TWF1: variants seen among roughly 807,000 people sequenced by gnomAD.
TWF1 encodes twinfilin-1.
TWF1 carries 14 observed loss-of-function variants against 47.9 expected under a neutral mutation model. The observed-to-expected ratio is 0.29, with a 90% confidence interval of 0.19 to 0.46. The LOEUF (loss-of-function observed/expected upper bound fraction) is 0.46. TWF1 is among the 20% of genes least tolerant of loss of function. The pLI is 1.00. For synonymous variants in TWF1, 96 were observed against 139.2 expected (o/e 0.69, Z 2.18); for missense variants, 281 against 409.3 (o/e 0.69, Z 2.70).
chr12:43,800,357 A>G, intron 4 of TWF1, 78 bp downstream of exon 4: 1 of 967,144 alleles, frequency 1.0e-6, no homozygotes, highest in Non-Finnish European at 1.6e-6. Flanking sequence ...CTGAATTCGT[A>G]TCAATTACCC....
chr12:43,796,964 T>C lies in TWF1; in HGVS notation c.882+12A>G, dbSNP rs1432573441. 1.9e-6 allele frequency: 3 copies of C among 1,605,924 alleles called. No homozygotes were observed. Among genetic ancestry groups the C allele is most frequent in the African/African-American group, 2.7e-5 (2 of 74,368 alleles). ...TTAGCAAAAACTGAAGATTTTAAAA[T>C]AGGTGGGCTACCTTTCTAATTACAT... On this transcript the variant is annotated intron_variant, in intron 8 of 8. Transcript: ENST00000395510.
At chr12:43,798,549 A>G (rs2138134894) in intron 5 of TWF1, 2 of 1,521,848 alleles carry the variant, frequency 1.3e-6, no homozygotes, top group Non-Finnish European at 1.8e-6. Context: ...ATCATAGAAC[A>G]TATGCGAATG....
chr12:43,797,593 G>A, intron 6 of TWF1, 115 bp downstream of exon 6: 2 of 1,433,608 alleles, frequency 1.4e-6, no homozygotes, highest in Non-Finnish European at 1.9e-6. Flanking sequence ...TTTACAAAAT[G>A]AATTTTAGAA....
intron 5 of TWF1, among the ~76,000 whole-genome samples, chr12:43,798,924 A>G (rs923461905): frequency 5.3e-5 from 8 of 152,046 alleles, no homozygotes; most frequent in Non-Finnish European, 1.0e-4. Flanking sequence ...AAATTTATTG[A>G]CTCTAATATG....
intron 3 of TWF1, among the ~76,000 whole-genome samples, chr12:43,800,773 G>A (rs1228511063): frequency 6.6e-6 from 1 of 152,004 alleles, no homozygotes; most frequent in Non-Finnish European, 1.5e-5. Context: ...TTTTTGAGAC[G>A]CAGATTTGCT....
chr12:43,795,994 T>C (rs528147936), intron 8 of TWF1, among the ~76,000 whole-genome samples: 2 of 152,298 alleles, frequency 1.3e-5, no homozygotes, highest in African/African-American at 2.4e-5. Context: ...TTAAATAATG[T>C]TTAAAAGTAG....
chr12:43,803,132 T>C (rs375932519), intron 2 of TWF1, among the ~76,000 whole-genome samples: 4 of 152,172 alleles, frequency 2.6e-5, no homozygotes, highest in African/African-American at 7.2e-5. Flanking sequence ...ATGTGTGGCA[T>C]AGTCATATAA....
intron 7 of TWF1, 81 bp downstream of exon 7, chr12:43,797,221 G>A: frequency 6.7e-7 from 1 of 1,486,436 alleles, no homozygotes. Flanking sequence ...AGCCCTCTGG[G>A]CAAGAAATAA....
chr12:43,805,497 T>G (rs927476784), intron 1 of TWF1: 1 of 455,496 alleles, frequency 2.2e-6, no homozygotes, highest in Admixed American at 2.4e-5. Context: ...CGGGGATATA[T>G]TATTTGACTC....
chr12:43,801,922 C>G (rs1025678846), intron 3 of TWF1, among the ~76,000 whole-genome samples: 6 of 152,132 alleles, frequency 3.9e-5, no homozygotes, highest in African/African-American at 1.4e-4. Flanking sequence ...CCCAGCTACT[C>G]AAGAGGCTGA....
chr12:43,804,931 C>G (rs957344370), intron 1 of TWF1, among the ~76,000 whole-genome samples: 2 of 152,188 alleles, frequency 1.3e-5, no homozygotes, highest in Admixed American at 6.5e-5. Flanking sequence ...CTTTCATTCT[C>G]TAATTCAGTT....
intron 5 of TWF1, chr12:43,798,641 A>AT (rs1445074471): frequency 1.4e-6 from 2 of 1,454,870 alleles, no homozygotes; most frequent in Non-Finnish European, 1.8e-6. Flanking sequence ...AAAAAATCAC[A>AT]TAAAAAGCCC....
At chr12:43,798,706 A>ATCAT in intron 5 of TWF1, 1 of 1,082,588 alleles carries the variant, frequency 9.2e-7, no homozygotes, top group Non-Finnish European at 1.3e-6. Context: ...CCAGTTTAAT[A>ATCAT]TTAAATGATA....
rs1942523726 is a variant in TWF1 at position 43,794,962 on chromosome 12, A to G, written c.*623T>C. On this transcript the variant is annotated 3_prime_UTR_variant, in exon 9 of 9. Transcript: ENST00000395510. ...CTTTCAATGTCATCAGAAATCCTGC[A>G]GTATAGAAAATATCTGGTACCCTTA... 1 of 152,224 alleles carries G rather than the reference A, an allele frequency of 6.6e-6. No homozygotes were observed. Among genetic ancestry groups the G allele is most frequent in the Non-Finnish European group, 1.5e-5 (1 of 68,036 alleles). 9.4% of individuals were successfully genotyped at this position (152,224 alleles called of 1,614,324 possible).
intron 2 of TWF1, among the ~76,000 whole-genome samples, chr12:43,802,720 A>T (rs1942685003): frequency 6.6e-6 from 1 of 152,212 alleles, no homozygotes; most frequent in African/African-American, 2.4e-5. Context: ...AAATGATCAT[A>T]ACAGTTGAAC....
At position 43,797,361 on chromosome 12, in the gene TWF1, G is replaced by C. The variant is rs373898452; in HGVS notation, c.701C>G (p.Ala234Gly). 1 of 1,605,918 alleles carries C rather than the reference G, an allele frequency of 6.2e-7. No homozygotes were observed. Among genetic ancestry groups the C allele is most frequent in the African/African-American group, 1.3e-5 (1 of 74,622 alleles). The change falls in exon 7 of 9, where the codon GCT becomes GGT. Residue 234 changes from alanine to glycine, a missense_variant. Physicochemically the swap from Ala to Gly is moderately conservative, Grantham distance 60. Transcript: ENST00000395510. Reference sequence around the variant, plus strand: ...TTTATACAGAAAGAAATGGTAACGAGCTGAATCCTTGGGAATCCTCTTTGG... The same window carrying C: ...TTTATACAGAAAGAAATGGTAACGACCTGAATCCTTGGGAATCCTCTTTGG... ...DLPKRIPKDS[A>G]RYHFFLYKHS...
In TWF1 at chr12:43,802,460, T is replaced by A. The variant is rs759776413; in HGVS notation, c.108A>T (p.Gln36His). ...RLLKISIENE[Q>H]LVIGSYSQPS... The stretch of plus-strand genomic sequence containing the variant: ...GCTGACTATATGATCCAATCACAAG[T>A]TGCTCTATGAAAAATTATTTTTAGA... Residue 36 changes from glutamine to histidine, a missense_variant, in exon 3 of 9, where the codon CAA (glutamine) becomes CAT (histidine). Coordinates refer to ENST00000395510, the MANE Select transcript of TWF1 (RefSeq NM_002822.5). 16 of 1,601,522 alleles carry A rather than the reference T, an allele frequency of 1.0e-5. No homozygotes were observed. The highest frequency in any genetic ancestry group is 1.3e-5 in the Non-Finnish European group (15 of 1,175,950).
chr12:43,806,005 G>A (rs768727373), intron 1 of TWF1: 8 of 1,527,142 alleles, frequency 5.2e-6, no homozygotes, highest in Non-Finnish European at 7.0e-6. Flanking sequence ...GGATCAATCT[G>A]CAACGTGACG....
intron 1 of TWF1, among the ~76,000 whole-genome samples, chr12:43,804,923 T>G (rs969273188): frequency 6.6e-6 from 1 of 152,196 alleles, no homozygotes; most frequent in African/African-American, 2.4e-5. Context: ...AAAACCTGCT[T>G]TCATTCTCTA....
Sources: allele counts gnomAD v4.1 joint callset (sites outside exome capture counted in the v4.1 genomes callset), GRCh38; gene constraint gnomAD v4.1.1; transcripts MANE v1.5; gene names NCBI Gene and HGNC (gene_info 2026-07-23, HGNC 2026-07-21).